The following SPATA12 variants were observed in gnomAD, a reference collection of about 807,000 sequenced individuals.
SPATA12 encodes spermatogenesis associated 12, also known as spermatogenesis-associated protein 12.
For missense variants in SPATA12, 219 were observed against 226.4 expected, an observed-to-expected ratio of 0.97 and a Z score of 0.21; for synonymous variants, 85 against 89.2, an observed-to-expected ratio of 0.95 and a Z score of 0.26.
intron 1 of SPATA12, among the ~76,000 whole-genome samples, chr3:57,071,952 A>G (rs1705930008): frequency 6.6e-6 from 1 of 152,250 alleles, no homozygotes; most frequent in African/African-American, 2.4e-5. Flanking sequence ...ATTTAAAAAT[A>G]GATAAAAGAC....
intron 1 of SPATA12, among the ~76,000 whole-genome samples, chr3:57,070,971 C>CAAAAAA (rs1231328722): frequency 6.0e-5 from 3 of 49,664 alleles, no homozygotes; most frequent in African/African-American, 1.9e-4. Flanking sequence ...GACTCTGTCA[C>CAAAAAA]AAAAAAAAAA....
chr3:57,068,611 A>G (rs978443404), intron 1 of SPATA12, among the ~76,000 whole-genome samples: 1 of 152,240 alleles, frequency 6.6e-6, no homozygotes, highest in Non-Finnish European at 1.5e-5. Flanking sequence ...CAGGGCTTTT[A>G]TAAAACTAAA....
rs1025114978 is a variant in SPATA12 at position 57,064,092 on chromosome 3, C to A, written c.-330+3306C>A. Among the ~76,000 whole-genome samples the A allele has an allele frequency of 4.6e-5, 7 of 152,098 alleles. No individual in the cohort carries two copies. In the East Asian group the frequency reaches 1.4e-3, roughly 29 times the overall value. On this transcript the variant is annotated intron_variant, in intron 1 of 1. Coordinates refer to ENST00000334325, the MANE Select transcript of SPATA12 (RefSeq NM_181727.2). ...GACCAGCCTGGGCAACATGGCAAAA[C>A]CCTGTCTCTACCAAAAATACAAAAA...
intron 1 of SPATA12, among the ~76,000 whole-genome samples, chr3:57,061,366 T>A (rs1482707278): frequency 6.6e-6 from 1 of 152,300 alleles, no homozygotes; most frequent in East Asian, 1.9e-4. Flanking sequence ...GGCACGATCA[T>A]AACTCACTGC....
At position 57,074,357 on chromosome 3, in the gene SPATA12, C is replaced by A. The variant is rs938490003; in HGVS notation, c.*90C>A. ...TGCCCTCCCTTCCATCCCCCACCCC[C>A]ACCAGGGGTGACTCGTAGCCATCCC... On this transcript the variant is annotated 3_prime_UTR_variant, in exon 2 of 2. Coordinates refer to ENST00000334325, the MANE Select transcript of SPATA12 (RefSeq NM_181727.2). 1 of 1,169,014 alleles carries A rather than the reference C, an allele frequency of 8.6e-7. No homozygotes were observed. Among genetic ancestry groups the A allele is most frequent in the Admixed American group, 2.1e-5 (1 of 47,916 alleles). 72.4% of individuals were successfully genotyped at this position (1,169,014 alleles called of 1,614,324 possible).
intron 1 of SPATA12, among the ~76,000 whole-genome samples, chr3:57,069,153 C>A (rs531030104): frequency 6.6e-6 from 1 of 152,190 alleles, no homozygotes; most frequent in Admixed American, 6.5e-5. Flanking sequence ...GAACTCCTGA[C>A]CTCGTGATCC....
At chr3:57,071,093 C>T (rs9876120) in intron 1 of SPATA12, among the ~76,000 whole-genome samples, 42,279 of 151,812 alleles carry the variant, frequency 0.28, 6,864 homozygotes, top group East Asian at 0.48. Flanking sequence ...GTATAGACAG[C>T]AATACTGGCA....
chr3:57,070,984 AAAAG>A (rs199600467), intron 1 of SPATA12, among the ~76,000 whole-genome samples: 84 of 148,000 alleles, frequency 5.7e-4, no homozygotes, highest in African/African-American at 1.5e-3. Flanking sequence ...AAAAAAAAAA[AAAAG>A]AAAGAAAGAA....
At chr3:57,069,444 G>A (rs951941538) in intron 1 of SPATA12, among the ~76,000 whole-genome samples, 4 of 151,126 alleles carry the variant, frequency 2.6e-5, no homozygotes, top group Non-Finnish European at 5.9e-5. Context: ...CCTCACCCCA[G>A]ATGAGTTGAG....
rs1706107974 is a variant in SPATA12 at position 57,074,347 on chromosome 3, C to A, written c.*80C>A. The A allele has an allele frequency of 7.9e-7, 1 of 1,258,238 alleles. No individual in the cohort carries two copies. Among genetic ancestry groups the A allele is most frequent in the Non-Finnish European group, 1.1e-6 (1 of 884,944 alleles). 77.9% of individuals were successfully genotyped at this position (1,258,238 alleles called of 1,614,324 possible). On this transcript the variant is annotated 3_prime_UTR_variant, in exon 2 of 2. Transcript: ENST00000334325. ...GCACATGCTATGCCCTCCCTTCCAT[C>A]CCCCACCCCCACCAGGGGTGACTCG...
At chr3:57,068,197 A>G (rs1358478215) in intron 1 of SPATA12, among the ~76,000 whole-genome samples, 1 of 149,074 alleles carries the variant, frequency 6.7e-6, no homozygotes, top group East Asian at 2.0e-4. Flanking sequence ...ACACCAGGTT[A>G]CCAGGTTGCA....
At chr3:57,065,187 G>GCTCACGC (rs1482783992) in intron 1 of SPATA12, among the ~76,000 whole-genome samples, 1 of 152,142 alleles carries the variant, frequency 6.6e-6, no homozygotes, top group Non-Finnish European at 1.5e-5. Context: ...GGGCGCAGTG[G>GCTCACGC]CTCACGCCTC....
At chr3:57,071,285 C>T (rs573730648) in intron 1 of SPATA12, among the ~76,000 whole-genome samples, 1 of 152,224 alleles carries the variant, frequency 6.6e-6, no homozygotes, top group Admixed American at 6.5e-5. Flanking sequence ...TAGACCCCTA[C>T]CTCACACCAC....
intron 1 of SPATA12, among the ~76,000 whole-genome samples, chr3:57,072,658 C>T (rs1328362002): frequency 6.7e-6 from 1 of 148,674 alleles, no homozygotes; most frequent in Non-Finnish European, 1.5e-5. Flanking sequence ...ATGAGAATCA[C>T]GTGAACCCGG....
rs1283985928 is a variant in SPATA12, at chr3:57,075,356, G to C, written c.*1089G>C. ...CTGTCAGTTTCTTTGACTGCTGTGT[G>C]GTCAGTACCAGGGCAATGCCTCGCA... is the stretch of plus-strand genomic sequence containing the variant. On this transcript the variant is annotated 3_prime_UTR_variant, in exon 2 of 2. Coordinates refer to ENST00000334325, the MANE Select transcript of SPATA12 (RefSeq NM_181727.2). 5 of 167,068 alleles carry C rather than the reference G, an allele frequency of 3.0e-5. No homozygotes were observed. Among genetic ancestry groups the C allele is most frequent in the Non-Finnish European group, 5.9e-5 (4 of 68,160 alleles). The allele number at this position is 167,068 out of a possible 1,614,324, so 10.3% of individuals were successfully genotyped here. A position where few individuals can be genotyped will look rare whatever the true frequency, so the allele number is the denominator to read the frequency against.
chr3:57,070,315 G>A (rs1457775585), intron 1 of SPATA12, among the ~76,000 whole-genome samples: 1 of 152,086 alleles, frequency 6.6e-6, no homozygotes, highest in Non-Finnish European at 1.5e-5. Flanking sequence ...CACAAATTCA[G>A]GAGTTAAATG....
At chr3:57,067,777 C>G (rs1178443181) in intron 1 of SPATA12, among the ~76,000 whole-genome samples, 1 of 149,704 alleles carries the variant, frequency 6.7e-6, no homozygotes, top group African/African-American at 2.5e-5. Context: ...GTCAGGAGAT[C>G]GAGACCATTG....
chr3:57,073,935 A>T lies in SPATA12; in HGVS notation c.241A>T (p.Thr81Ser). The T allele has an allele frequency of 1.2e-6, 2 of 1,614,152 alleles. No homozygotes were observed. The highest frequency in any genetic ancestry group is 1.7e-6 in the Non-Finnish European group (2 of 1,180,026). ...TFQGDVCQSE[T>S]CQRYLQAAIS... ...TCAGGGGGATGTGTGCCAAAGTGAG[A>T]CCTGTCAGAGATATTTACAAGCAGC... is the stretch of plus-strand genomic sequence containing the variant. The change falls in exon 2 of 2, where the codon ACC (threonine) becomes TCC (serine). Residue 81 changes from threonine to serine, a missense_variant. Physicochemically the swap from Thr to Ser is moderately conservative, Grantham distance 58 (BLOSUM62 1). Transcript: ENST00000334325.
At chr3:57,063,544 G>A (rs571459492) in intron 1 of SPATA12, among the ~76,000 whole-genome samples, 1 of 152,274 alleles carries the variant, frequency 6.6e-6, no homozygotes, top group Admixed American at 6.5e-5. Context: ...AGAGAAGAGA[G>A]ATACAAAAGT....
Sources: allele counts gnomAD v4.1 joint callset (sites outside exome capture counted in the v4.1 genomes callset), GRCh38; gene constraint gnomAD v4.1.1; transcripts MANE v1.5; gene names NCBI Gene and HGNC (gene_info 2026-07-23, HGNC 2026-07-21).